Variants in CFAP99 observed in about 807,000 individuals in gnomAD.
CFAP99 encodes the protein cilia and flagella associated protein 99, also known as cilia- and flagella-associated protein 99.
In CFAP99, 84 loss-of-function variants were observed where a neutral mutation model predicts 82.7. The ratio of observed to expected loss-of-function variants is 1.02; its 90% CI spans 0.85 to 1.22. The LOEUF (loss-of-function observed/expected upper bound fraction) is 1.22. CFAP99 is among the 50% of genes most tolerant of loss of function. The pLI, the probability that CFAP99 is intolerant of heterozygous loss-of-function variation, is 0.00. For missense variants in CFAP99, 1,059 were observed against 983.5 expected (o/e 1.08, Z -1.03); for synonymous variants, 456 against 429.5 (o/e 1.06, Z -0.76).
intron 11 of CFAP99, among the ~76,000 whole-genome samples, chr4:2,455,681 C>T (rs1274204103): frequency 2.6e-5 from 4 of 151,982 alleles, no homozygotes; most frequent in Admixed American, 6.6e-5. Flanking sequence ...AGAGTGAGAC[C>T]GTCTCAAATA....
chr4:2,459,076 A>G (rs704346), intron 12 of CFAP99, 31 bp from the exon 13 acceptor site: 916,934 of 1,479,812 alleles, frequency 0.62, 287,272 homozygotes, highest in East Asian at 0.87. Context: ...GCCACCCACC[A>G]GCCACCTCAG....
At chr4:2,419,186 C>G (rs1291479116) in intron 1 of CFAP99, 93 bp downstream of exon 1, 7 of 152,156 alleles carry the variant, frequency 4.6e-5, no homozygotes, top group Admixed American at 6.5e-5. Context: ...CTTGCTTCTC[C>G]CAAACACCTC....
At chr4:2,451,177 G>C in intron 9 of CFAP99, 87 bp from the exon 10 acceptor site, 2 of 1,483,772 alleles carry the variant, frequency 1.3e-6, no homozygotes, top group Non-Finnish European at 9.1e-7. Context: ...CAGGGGGCAG[G>C]TGTGACGGGC....
chr4:2,426,222 G>A (rs770071415), intron 1 of CFAP99, among the ~76,000 whole-genome samples: 2 of 152,090 alleles, frequency 1.3e-5, no homozygotes, highest in African/African-American at 4.8e-5. Flanking sequence ...CCCCTGAGCC[G>A]CAGAGGCCTG....
exon 14 of CFAP99, chr4:2,460,081 G>A (rs1294707962): frequency 1.0e-5 from 16 of 1,535,994 alleles, no homozygotes; most frequent in Non-Finnish European, 1.4e-5. Context: ...TAGTGGAGCT[G>A]CGAGAGCGGC....
At chr4:2,424,156 C>T (rs1483446928) in intron 1 of CFAP99, among the ~76,000 whole-genome samples, 1 of 152,240 alleles carries the variant, frequency 6.6e-6, no homozygotes, top group Non-Finnish European at 1.5e-5. Context: ...TGGTGGCTCA[C>T]GCCTGTAATC....
In CFAP99 at chr4:2,450,975, TC is replaced by T. The variant is rs1251266553; in HGVS notation, c.827del (p.Pro276HisfsTer10). 3.3e-6 allele frequency: 5 copies of T among 1,535,918 alleles called. No homozygotes were observed. The highest frequency in any genetic ancestry group is 4.4e-6 in the Non-Finnish European group (5 of 1,146,832). On this transcript the variant is annotated frameshift_variant, in exon 9 of 15. Coordinates refer to ENST00000635017, the Ensembl canonical transcript of CFAP99. LOFTEE classifies it high-confidence loss of function. ...TCCAAGCAGCAGCTGCGGCTTCAGTTCCCACCCCGAATCCGAAAGACTCCGA... is the reference window on the plus strand; with the variant it reads ...TCCAAGCAGCAGCTGCGGCTTCAGTTCCACCCCGAATCCGAAAGACTCCGA...
At chr4:2,440,113 A>G (rs900915856) in intron 4 of CFAP99, among the ~76,000 whole-genome samples, 1 of 143,976 alleles carries the variant, frequency 6.9e-6, no homozygotes, top group Non-Finnish European at 1.5e-5. Flanking sequence ...AAGTGTTGGG[A>G]TTACAGGCGT....
chr4:2,462,681 G>C lies in CFAP99; in HGVS notation c.1900G>C (p.Gly634Arg). Residue 634 changes from glycine (G) to arginine (R), a missense_variant, in exon 15 of 15, where the codon GGG (glycine) becomes CGG (arginine). Coordinates refer to ENST00000635017, the Ensembl canonical transcript of CFAP99. This position sits in a 1 kb window ranked among gnomAD's most constrained non-coding sequence, Gnocchi z 4.1. Reference sequence around the variant, plus strand: ...GTGGGGATGGCGGGCGCGGCGCGCAGGGACCGGCGTCCCGGGGCGGGGATG... The same window carrying C: ...GTGGGGATGGCGGGCGCGGCGCGCACGGACCGGCGTCCCGGGGCGGGGATG... 1 of 1,261,064 alleles carries C rather than the reference G, an allele frequency of 7.9e-7. No individual in the cohort carries two copies. Among genetic ancestry groups the C allele is most frequent in the Non-Finnish European group, 1.0e-6 (1 of 1,004,374 alleles). The allele number at this position is 1,261,064 out of a possible 1,614,324, so 78.1% of individuals were successfully genotyped here.
In CFAP99 at chr4:2,446,642, G is replaced by C. The variant is rs1376402079; in HGVS notation, c.642+1334G>C. On this transcript the variant is annotated intron_variant, in intron 6 of 14. Transcript: ENST00000635017. This position sits in a 1 kb window ranked among gnomAD's most constrained non-coding sequence, Gnocchi z 5.0. ...TGACCTCAGGTGATCTGCCCACCTA[G>C]GCCTCCCAAAGTGCTGGGATTACAG... Among the ~76,000 whole-genome samples, 3 of 152,142 alleles carry C rather than the reference G, an allele frequency of 2.0e-5. No homozygotes were observed. The highest frequency in any genetic ancestry group is 1.3e-4 in the Admixed American group (2 of 15,270).
intron 5 of CFAP99, among the ~76,000 whole-genome samples, chr4:2,443,612 T>G (rs763031406): frequency 6.6e-6 from 1 of 152,194 alleles, no homozygotes; most frequent in Non-Finnish European, 1.5e-5. Flanking sequence ...GTTCTAGTCC[T>G]GTGGGGACTC....
intron 2 of CFAP99, among the ~76,000 whole-genome samples, chr4:2,429,798 A>G (rs1404559688): frequency 2.0e-5 from 3 of 152,108 alleles, no homozygotes; most frequent in African/African-American, 7.2e-5. Context: ...TCACTGTGTT[A>G]GCCAGAATGG....
chr4:2,458,843 G>C (rs776968431), exon 12 of CFAP99: 3 of 1,535,480 alleles, frequency 2.0e-6, no homozygotes, highest in Non-Finnish European at 2.6e-6. Context: ...GACGAAGCTC[G>C]CGAAGGGCCG....
chr4:2,428,823 C>G (rs566391891), intron 2 of CFAP99: 1 of 140,820 alleles, frequency 7.1e-6, no homozygotes, highest in South Asian at 2.1e-4. Context: ...TCCTGCTCCT[C>G]CCTCCATCCT....
At chr4:2,425,130 T>C (rs529120222) in intron 1 of CFAP99, among the ~76,000 whole-genome samples, 1 of 152,264 alleles carries the variant, frequency 6.6e-6, no homozygotes, top group Admixed American at 6.5e-5. Context: ...GCCCTCTCTT[T>C]TTCTCCAGCC....
rs944544287 is a variant in CFAP99 at position 2,448,992 on chromosome 4, G to A, written c.643-678G>A. Among the ~76,000 whole-genome samples the A allele has an allele frequency of 4.6e-5, 7 of 152,208 alleles. No homozygotes were observed. The highest frequency in any genetic ancestry group is 1.7e-4 in the African/African-American group (7 of 41,450). ...ATGGACAGCGGTCGTGGTCAGTGAG[G>A]CTGAGGGAGGGCTCGTTTGAGGAAG... On this transcript the variant is annotated intron_variant, in intron 6 of 14. Coordinates refer to ENST00000635017, the Ensembl canonical transcript of CFAP99. This position sits in a 1 kb window ranked among gnomAD's most constrained non-coding sequence, Gnocchi z 5.2.
intron 4 of CFAP99, among the ~76,000 whole-genome samples, chr4:2,442,852 C>T (rs1734076383): frequency 1.3e-5 from 2 of 151,160 alleles, no homozygotes; most frequent in Admixed American, 6.6e-5. Context: ...AGAAGCACAC[C>T]CTGCGCGGTG....
At position 2,460,115 on chromosome 4, in the gene CFAP99, C is replaced by T. The variant is rs145663192; in HGVS notation, c.1534C>T (p.Arg512Trp). ...GCTGGCCCTGCTCAAAGAGAATCAG[C>T]GGCGCAAGGAGGAAGAAAAGCGGGA... The change falls in exon 14 of 15, where the codon CGG becomes TGG. Residue 512 changes from arginine (R) to tryptophan (W), a missense_variant. Coordinates refer to ENST00000635017, the Ensembl canonical transcript of CFAP99. The T allele has an allele frequency of 6.9e-4, 1,065 of 1,536,080 alleles. 3 individuals are homozygous for T. The African/African-American group carries it at 9.2e-3, about 13-fold the overall frequency.
intron 1 of CFAP99, among the ~76,000 whole-genome samples, chr4:2,420,308 C>G (rs985805243): frequency 1.3e-5 from 2 of 152,126 alleles, no homozygotes; most frequent in Non-Finnish European, 2.9e-5. Flanking sequence ...ATATCTCTAG[C>G]CTCAACCCTG....
Sources: allele counts gnomAD v4.1 joint callset (sites outside exome capture counted in the v4.1 genomes callset), GRCh38; gene constraint gnomAD v4.1.1; non-coding constraint Gnocchi (gnomAD v3.1); transcripts MANE v1.5; gene names NCBI Gene and HGNC (gene_info 2026-07-23, HGNC 2026-07-21).